The following C8orf34 variants were observed in gnomAD, a reference collection of about 807,000 sequenced individuals.
The protein encoded by C8orf34 is chromosome 8 open reading frame 34, also known as uncharacterized protein C8orf34.
Under a neutral mutation model 68.3 loss-of-function variants are expected in C8orf34, and 65 were observed. That is an observed-to-expected ratio of 0.95 (90% CI 0.78 to 1.17). The LOEUF (loss-of-function observed/expected upper bound fraction) is 1.17, where lower values mean the gene tolerates loss of function less well. C8orf34 is among the 50% of genes most tolerant of loss of function. The probability of loss-of-function intolerance (pLI) is 0.00; values close to 1 mark genes in which losing one functional copy is unlikely to be tolerated. For synonymous variants in C8orf34, 244 were observed against 241.2 expected, an observed-to-expected ratio of 1.01 and a Z score of -0.11; for missense variants, 664 against 655.4, an observed-to-expected ratio of 1.01 and a Z score of -0.14.
rs1338926457 is a variant in C8orf34 at position 68,787,542 on chromosome 8, T to C, written c.1549+6T>C. 1.3e-6 allele frequency: 2 copies of C among 1,588,378 alleles called. No individual in the cohort carries two copies. The highest frequency in any genetic ancestry group is 1.7e-5 in the Admixed American group (1 of 59,224). On this transcript the variant is annotated splice_donor_region_variant and intron_variant, in intron 12 of 13. Transcript: ENST00000518698. ...GGAAGCAGAACAAGAGAAACGTGAG[T>C]AGACACTATTGTTTATTGACAAATT...
chr8:68,463,471 G>T (rs550702286), intron 3 of C8orf34, among the ~76,000 whole-genome samples: 4 of 151,930 alleles, frequency 2.6e-5, no homozygotes, highest in African/African-American at 9.7e-5. Flanking sequence ...TACCAAAGCC[G>T]GGCAGAGACA....
chr8:68,810,377 G>A (rs1481468737), intron 12 of C8orf34, among the ~76,000 whole-genome samples: 1 of 152,166 alleles, frequency 6.6e-6, no homozygotes, highest in East Asian at 1.9e-4. Flanking sequence ...TGGCAGTGAA[G>A]AATGTGGTGG....
intron 3 of C8orf34, among the ~76,000 whole-genome samples, chr8:68,460,937 G>A (rs1477809971): frequency 1.3e-5 from 2 of 152,244 alleles, no homozygotes; most frequent in Non-Finnish European, 2.9e-5. Context: ...AACAAAGCTG[G>A]ACAGAGAATG....
At chr8:68,687,809 C>A (rs1820565133) in intron 8 of C8orf34, among the ~76,000 whole-genome samples, 1 of 152,044 alleles carries the variant, frequency 6.6e-6, no homozygotes, top group African/African-American at 2.4e-5. Flanking sequence ...AAGAAATAAT[C>A]AACAGAGTAA....
At chr8:68,553,241 C>T (rs1001975601) in intron 7 of C8orf34, among the ~76,000 whole-genome samples, 22 of 151,674 alleles carry the variant, frequency 1.5e-4, no homozygotes, top group Admixed American at 2.0e-4. Flanking sequence ...AACAATTAGC[C>T]GGGCATGGTG....
At chr8:68,728,775 T>G (rs1821903803) in intron 10 of C8orf34, among the ~76,000 whole-genome samples, 1 of 152,218 alleles carries the variant, frequency 6.6e-6, no homozygotes, top group African/African-American at 2.4e-5. Flanking sequence ...CAAGTTGAGA[T>G]TTCAGTGGGG....
intron 8 of C8orf34, among the ~76,000 whole-genome samples, chr8:68,641,414 A>T (rs987687224): frequency 2.6e-5 from 4 of 152,184 alleles, no homozygotes; most frequent in African/African-American, 9.7e-5. Flanking sequence ...AAATCAGGGG[A>T]TGTTATCTGA....
intron 7 of C8orf34, among the ~76,000 whole-genome samples, chr8:68,573,072 T>C (rs554525843): frequency 2.6e-5 from 4 of 152,260 alleles, no homozygotes; most frequent in African/African-American, 9.6e-5. Context: ...TCAGGCTCTG[T>C]CTATCCCTGG....
chr8:68,579,624 G>A lies in C8orf34; in HGVS notation c.1105+46475G>A, dbSNP rs75187836. On this transcript the variant is annotated intron_variant, in intron 7 of 13. Coordinates refer to ENST00000518698, the MANE Select transcript of C8orf34 (RefSeq NM_052958.4). ...TTCCCTACCTTCCTATTCCAAGTGC[G>A]CTCTGCAGATCAGCAGTATCAGTAG... Among the ~76,000 whole-genome samples, 608 of 152,132 alleles carry A rather than the reference G, an allele frequency of 4.0e-3. 15 individuals are homozygous for A. The highest frequency in any genetic ancestry group is 0.03 in the Admixed American group (456 of 15,274).
intron 1 of C8orf34, among the ~76,000 whole-genome samples, chr8:68,394,905 C>A (rs968369805): frequency 1.3e-5 from 2 of 151,988 alleles, no homozygotes; most frequent in Admixed American, 1.3e-4. Context: ...AGAGATAGTT[C>A]TAACTTAATG....
intron 7 of C8orf34, among the ~76,000 whole-genome samples, chr8:68,578,817 A>G (rs916168180): frequency 6.6e-6 from 1 of 152,080 alleles, no homozygotes; most frequent in Non-Finnish European, 1.5e-5. Context: ...GGTCTATTAC[A>G]CTTGTAATTA....
chr8:68,807,850 G>T (rs2129529809), intron 12 of C8orf34, among the ~76,000 whole-genome samples: 1 of 152,302 alleles, frequency 6.6e-6, no homozygotes, highest in South Asian at 2.1e-4. Flanking sequence ...TTTTAAGTTG[G>T]GCTTTATTCC....
intron 1 of C8orf34, among the ~76,000 whole-genome samples, chr8:68,386,501 T>C (rs533489322): frequency 4.6e-5 from 7 of 152,276 alleles, no homozygotes; most frequent in African/African-American, 1.7e-4. Context: ...CTAGAATCTA[T>C]AGGTGGAAAC....
chr8:68,395,238 G>A (rs1410629143), intron 1 of C8orf34, among the ~76,000 whole-genome samples: 1 of 151,838 alleles, frequency 6.6e-6, no homozygotes, highest in East Asian at 1.9e-4. Context: ...AATAGAACAA[G>A]GGTTTTTTTT....
intron 1 of C8orf34, among the ~76,000 whole-genome samples, chr8:68,402,171 G>T (rs1808987583): frequency 6.6e-6 from 1 of 151,936 alleles, no homozygotes; most frequent in African/African-American, 2.4e-5. Context: ...TCTTTCCTGT[G>T]GGTTCTCTAA....
At chr8:68,387,809 A>G (rs1398637883) in intron 1 of C8orf34, among the ~76,000 whole-genome samples, 1 of 152,226 alleles carries the variant, frequency 6.6e-6, no homozygotes, top group Non-Finnish European at 1.5e-5. Context: ...GTAATAGAGC[A>G]TGAATGTGAC....
At chr8:68,629,363 C>A (rs1380276279) in intron 7 of C8orf34, among the ~76,000 whole-genome samples, 2 of 152,304 alleles carry the variant, frequency 1.3e-5, no homozygotes, top group East Asian at 3.9e-4. Flanking sequence ...GTTCAGATGG[C>A]ACATTCAGTT....
chr8:68,330,787 G>C (rs1259851028), upstream of C8orf34: 4 of 440,144 alleles, frequency 9.1e-6, no homozygotes, highest in Non-Finnish European at 1.6e-5. Flanking sequence ...ACAGTCGCGC[G>C]CGCACGGACA....
At chr8:68,597,999 A>G (rs1473267) in intron 7 of C8orf34, among the ~76,000 whole-genome samples, 20,174 of 152,156 alleles carry the variant, frequency 0.13, 1,803 homozygotes, top group African/African-American at 0.25. Flanking sequence ...TGATGAAACT[A>G]TGATAATTTA....
Sources: allele counts gnomAD v4.1 joint callset (sites outside exome capture counted in the v4.1 genomes callset), GRCh38; gene constraint gnomAD v4.1.1; transcripts MANE v1.5; gene names NCBI Gene and HGNC (gene_info 2026-07-23, HGNC 2026-07-21).